The following BIRC6 variants were observed in gnomAD, a reference collection of about 807,000 sequenced individuals.
The protein encoded by BIRC6 is dual E2 ubiquitin-conjugating enzyme/E3 ubiquitin-protein ligase BIRC6.
A neutral mutation model predicts 503.3 loss-of-function variants in BIRC6; 98 were observed. The observed-to-expected ratio is 0.19, with a 90% CI of 0.17 to 0.23. The LOEUF is 0.23. BIRC6 is among the 10% of genes least tolerant of loss of function. The pLI is 1.00. For synonymous variants in BIRC6, 2,240 were observed against 2,078.7 expected (o/e 1.08, Z -2.11); for missense variants, 5,360 against 5,806.0 (o/e 0.92, Z 2.50).
intron 22 of BIRC6, among the ~76,000 whole-genome samples, chr2:32,450,389 G>A (rs988370800): frequency 6.6e-6 from 1 of 152,048 alleles, no homozygotes. Flanking sequence ...GTGAACCCGG[G>A]AGGCAGAGCT....
At chr2:32,564,333 C>G (rs2059391021) in intron 65 of BIRC6, 2 of 152,166 alleles carry the variant, frequency 1.3e-5, no homozygotes, top group African/African-American at 4.8e-5. Flanking sequence ...GAACAACATT[C>G]CATTTTATGG....
chr2:32,596,174 T>TA (rs2061660332), intron 68 of BIRC6, among the ~76,000 whole-genome samples: 1 of 152,108 alleles, frequency 6.6e-6, no homozygotes, highest in African/African-American at 2.4e-5. Flanking sequence ...ATTACCCCTG[T>TA]AACTTATTTG....
chr2:32,373,438 G>C (rs2036260451), intron 1 of BIRC6, among the ~76,000 whole-genome samples: 1 of 152,174 alleles, frequency 6.6e-6, no homozygotes, highest in South Asian at 2.1e-4. Context: ...TTGCATATAT[G>C]GTCAAATGAT....
At chr2:32,441,563 T>TG in intron 17 of BIRC6, 101 bp downstream of exon 17, 1 of 1,115,350 alleles carries the variant, frequency 9.0e-7, no homozygotes, top group Non-Finnish European at 1.2e-6. Flanking sequence ...TACCTGAAAA[T>TG]TTTTTTTGTC....
rs962177767 is a variant in BIRC6, at chr2:32,415,350, T to C, written c.2059T>C (p.Tyr687His). ...QLLLQDPPVT[Y>H]IQQFADAAAN... ...GTTATTGCAGGATCCTCCTGTGACTTACATTCAGCAATTTGCAGATGCAGC... is the reference window on the plus strand; with the variant it reads ...GTTATTGCAGGATCCTCCTGTGACTCACATTCAGCAATTTGCAGATGCAGC... Residue 687 changes from tyrosine to histidine, a missense_variant, in exon 10 of 74, where the codon TAC (tyrosine) becomes CAC (histidine). This residue lies in a region of BIRC6 where 700 missense variants were observed against 739.3 expected (regional missense o/e 0.95). Coordinates refer to ENST00000421745, the MANE Select transcript of BIRC6 (RefSeq NM_016252.4). The C allele has an allele frequency of 6.2e-6, 10 of 1,614,046 alleles. No individual in the cohort carries two copies. Among genetic ancestry groups the C allele is most frequent in the Non-Finnish European group, 8.5e-6 (10 of 1,179,892 alleles).
At chr2:32,583,949 C>G (rs1001426782) in intron 66 of BIRC6, among the ~76,000 whole-genome samples, 4 of 152,174 alleles carry the variant, frequency 2.6e-5, no homozygotes, top group East Asian at 1.9e-4. Flanking sequence ...CCAGGCTGTT[C>G]ACGAACTCCT....
At chr2:32,394,440 G>A (rs1265413278) in intron 5 of BIRC6, among the ~76,000 whole-genome samples, 1 of 152,054 alleles carries the variant, frequency 6.6e-6, no homozygotes. Flanking sequence ...GTCCTATGTT[G>A]TATGAATTAG....
At chr2:32,514,063 C>CA (rs1020070153) in intron 54 of BIRC6, among the ~76,000 whole-genome samples, 6 of 151,864 alleles carry the variant, frequency 4.0e-5, no homozygotes, top group East Asian at 1.9e-4. Context: ...GACTCTGTCT[C>CA]AAAAAAAATA....
At position 32,501,799 on chromosome 2, in the gene BIRC6, C is replaced by A. The variant is rs1429097069; in HGVS notation, c.9118C>A (p.Leu3040Met). The change falls in exon 47 of 74, where the codon CTG becomes ATG. Residue 3040 changes from leucine (L) to methionine (M), a missense_variant. Physicochemically the swap from Leu to Met is conservative, Grantham distance 15. Transcript: ENST00000421745. Reference sequence around the variant, plus strand: ...AGTTGGGGATGGATTATTTACCATACTGACAACCCTTAGTAAAAAAGCTTC... The same window carrying A: ...AGTTGGGGATGGATTATTTACCATAATGACAACCCTTAGTAAAAAAGCTTC... The part of the protein sequence containing the change: ...ISVGDGLFTI[L>M]TTLSKKASTV... The A allele has an allele frequency of 1.9e-6, 3 of 1,613,694 alleles. No homozygotes were observed. The highest frequency in any genetic ancestry group is 2.2e-5 in the South Asian group (2 of 91,080).
intron 45 of BIRC6, 115 bp from the exon 46 acceptor site, chr2:32,499,432 A>G (rs959241501): frequency 1.7e-5 from 15 of 896,290 alleles, no homozygotes; most frequent in Non-Finnish European, 2.3e-5. Flanking sequence ...ACTTTCTTGT[A>G]TTGTGATAAG....
chr2:32,568,005 G>A (rs1355187350), intron 65 of BIRC6, among the ~76,000 whole-genome samples: 1 of 152,072 alleles, frequency 6.6e-6, no homozygotes, highest in Admixed American at 6.5e-5. Flanking sequence ...CCAGCTACTT[G>A]GGAGGCTGAG....
intron 53 of BIRC6, 31 bp from the exon 54 acceptor site, chr2:32,512,902 T>C: frequency 6.3e-7 from 1 of 1,576,726 alleles, no homozygotes; most frequent in Non-Finnish European, 8.7e-7. Flanking sequence ...ACTATATAGT[T>C]GGTTATATGA....
At chr2:32,465,185 A>ATTTTTTTTTTTTTTTT in intron 26 of BIRC6, 21 bp downstream of exon 26, 1 of 847,166 alleles carries the variant, frequency 1.2e-6, no homozygotes, top group Non-Finnish European at 1.6e-6. Context: ...ACTTTCTTAA[A>ATTTTTTTTTTTTTTTT]TTTTTTTTTT....
chr2:32,463,121 A>G, intron 23 of BIRC6, 73 bp from the exon 24 acceptor site: 1 of 1,269,090 alleles, frequency 7.9e-7, no homozygotes, highest in Non-Finnish European at 1.1e-6. Context: ...AAATATTTGA[A>G]CATGTTTTGT....
chr2:32,594,579 C>G (rs2061565839), intron 67 of BIRC6, among the ~76,000 whole-genome samples: 1 of 152,060 alleles, frequency 6.6e-6, no homozygotes, highest in Non-Finnish European at 1.5e-5. Context: ...GCCTGTGGTC[C>G]CGGCTACCTG....
Position 32,442,074 on chromosome 2 carries a change from A to G in BIRC6, c.3954A>G (p.Arg1318=), listed in dbSNP as rs1320505940. The G allele has an allele frequency of 4.4e-6, 7 of 1,577,286 alleles. No homozygotes were observed. In the Admixed American group the frequency reaches 1.2e-4, roughly 27 times the overall value. The part of the protein sequence containing the change: ...KTSISKERVQ[R]CAMLQFSEFH... ...TTTTCTTTTTTTGTAGAGTGCAACG[A>G]TGTGCCATGTTACAGTTTTCAGAAT... The change falls in exon 18 of 74, where the codon CGA becomes CGG. Residue 1318 remains arginine (R), a synonymous_variant. Coordinates refer to ENST00000421745, the MANE Select transcript of BIRC6 (RefSeq NM_016252.4).
At chr2:32,529,564 C>CT in intron 59 of BIRC6, 87 bp from the exon 60 acceptor site, 1 of 1,214,718 alleles carries the variant, frequency 8.2e-7, no homozygotes, top group Non-Finnish European at 1.1e-6. Flanking sequence ...AAACTCTTGC[C>CT]TGTAATTTAG....
intron 8 of BIRC6, among the ~76,000 whole-genome samples, chr2:32,406,228 C>CT (rs2041197977): frequency 6.6e-6 from 1 of 151,958 alleles, no homozygotes. Context: ...CCCGTCTCTG[C>CT]AAAAATTAAA....
chr2:32,461,656 A>C (rs995983883), intron 23 of BIRC6, among the ~76,000 whole-genome samples: 1 of 151,080 alleles, frequency 6.6e-6, no homozygotes, highest in Non-Finnish European at 1.5e-5. Context: ...TTATTGGTAT[A>C]TTGTTTATTT....
Sources: allele counts gnomAD v4.1 joint callset (sites outside exome capture counted in the v4.1 genomes callset), GRCh38; gene constraint gnomAD v4.1.1; regional missense constraint gnomAD v4.1.1; transcripts MANE v1.5; gene names NCBI Gene and HGNC (gene_info 2026-07-23, HGNC 2026-07-21).